Variants in ANK2 observed in about 807,000 individuals in gnomAD.
ANK2 encodes ankyrin-2.
ANK2 carries 83 observed loss-of-function variants against 360.5 expected under a neutral mutation model. That is an observed-to-expected ratio of 0.23 (90% CI 0.19 to 0.28). The LOEUF (loss-of-function observed/expected upper bound fraction) is 0.28. ANK2 is among the 10% of genes least tolerant of loss of function. The probability of loss-of-function intolerance (pLI) is 1.00; values close to 1 mark genes in which losing one functional copy is unlikely to be tolerated. For missense variants in ANK2, 4,201 were observed against 4,795.7 expected, an observed-to-expected ratio of 0.88 and a Z score of 3.66; for synonymous variants, 1,740 against 1,759.5, an observed-to-expected ratio of 0.99 and a Z score of 0.28.
chr4:113,081,550 T>A (rs536946764), intron 1 of ANK2, among the ~76,000 whole-genome samples: 33 of 152,318 alleles, frequency 2.2e-4, no homozygotes, highest in Non-Finnish European at 3.8e-4. Context: ...TGCAAAAATT[T>A]TATTATCATT....
At chr4:112,904,524 G>T (rs559634150) in intron 2 of ANK2, 7 of 1,483,740 alleles carry the variant, frequency 4.7e-6, no homozygotes, top group South Asian at 4.0e-5. Context: ...GGTACTTTTG[G>T]TATTTTAAAT....
intron 4 of ANK2, among the ~76,000 whole-genome samples, chr4:113,218,451 C>A (rs376454288): frequency 8.0e-4 from 108 of 134,270 alleles, no homozygotes; most frequent in Admixed American, 7.5e-4. Context: ...ATTAAATGAC[C>A]AAAAAAAAAA....
chr4:112,983,640 A>C (rs1240707761), intron 2 of ANK2, among the ~76,000 whole-genome samples: 1 of 151,896 alleles, frequency 6.6e-6, no homozygotes, highest in Non-Finnish European at 1.5e-5. Context: ...TCACCATTGC[A>C]CTCCAGCCTG....
rs1190011485 is a variant in ANK2, at chr4:113,355,216, G to A, written c.6598G>A (p.Gly2200Ser). 1 of 1,614,114 alleles carries A rather than the reference G, an allele frequency of 6.2e-7. No individual in the cohort carries two copies. The highest frequency in any genetic ancestry group is 1.1e-5 in the South Asian group (1 of 91,084). ...ALSLQSGALD[G>S]SSESLKNEGV... is the part of the protein sequence containing the mutation. ...GTCTTTACAAAGCGGTGCTTTAGAT[G>A]GCAGTTCTGAAAGCCTAAAGAATGA... Residue 2200 changes from glycine to serine, a missense_variant, in exon 38 of 46, where the codon GGC (glycine) becomes AGC (serine). Around this residue, in one of 4 missense-constraint regions of ANK2, gnomAD observed 2,642 missense variants for 2,714.5 expected, o/e 0.97. Coordinates refer to ENST00000357077, the MANE Select transcript of ANK2 (RefSeq NM_001148.6).
In ANK2 at chr4:113,275,617, T is replaced by C. The variant is rs114780910; in HGVS notation, c.1683+968T>C. ...GCTTATCTGGTTGCCTGTTATGACT[T>C]ACCTGGTTGCCTATGGCTGTAAAAG... On this transcript the variant is annotated intron_variant, in intron 15 of 45. Coordinates refer to ENST00000357077, the MANE Select transcript of ANK2 (RefSeq NM_001148.6). Among the ~76,000 whole-genome samples the C allele has an allele frequency of 4.3e-3, 649 of 152,278 alleles. 3 individuals are homozygous for C. The highest frequency in any genetic ancestry group is 9.1e-3 in the South Asian group (44 of 4,820).
chr4:113,015,540 AG>A (rs1045861466), intron 2 of ANK2, among the ~76,000 whole-genome samples: 14 of 152,212 alleles, frequency 9.2e-5, no homozygotes, highest in African/African-American at 3.1e-4. Flanking sequence ...TCAAAATATT[AG>A]TATTAGTTTT....
At chr4:112,993,349 C>G (rs1391134004) in intron 2 of ANK2, among the ~76,000 whole-genome samples, 1 of 152,170 alleles carries the variant, frequency 6.6e-6, no homozygotes, top group Non-Finnish European at 1.5e-5. Flanking sequence ...GTCACCCAGG[C>G]TGGAGTGCAG....
intron 21 of ANK2, among the ~76,000 whole-genome samples, chr4:113,292,758 C>T (rs1054215550): frequency 3.9e-5 from 6 of 152,122 alleles, no homozygotes; most frequent in South Asian, 4.1e-4. Context: ...GGGGGCCCTC[C>T]GCTTGGGCTG....
the ANK2 span, among the ~76,000 whole-genome samples, chr4:112,784,667 A>T: frequency 0.31 from 47,489 of 151,824 alleles, 7,566 homozygotes; most frequent in East Asian, 0.35. Context: ...ACTCTTGGGC[A>T]CAAGCAATCT....
chr4:113,350,881 A>G (rs2095370845), intron 37 of ANK2: 1 of 152,298 alleles, frequency 6.6e-6, no homozygotes, highest in Non-Finnish European at 1.5e-5. Flanking sequence ...AGAATGCAAA[A>G]TTAAAACCCC....
intron 4 of ANK2, among the ~76,000 whole-genome samples, chr4:113,218,420 A>G (rs362491): frequency 0.028 from 4,240 of 150,816 alleles, 98 homozygotes; most frequent in East Asian, 0.068. Flanking sequence ...TGCAAAGTTA[A>G]TTGTCAGTTT....
intron 1 of ANK2, among the ~76,000 whole-genome samples, chr4:112,828,479 C>T (rs565958714): frequency 7.2e-5 from 11 of 152,082 alleles, no homozygotes; most frequent in Admixed American, 3.9e-4. Context: ...GTGATCCACC[C>T]GCCTCGGACT....
At chr4:113,071,946 TG>T (rs2077709313) in intron 1 of ANK2, 3 of 152,232 alleles carry the variant, frequency 2.0e-5, no homozygotes, top group African/African-American at 7.2e-5. Flanking sequence ...GAGTGCCCTG[TG>T]AAAGGGGGAT....
chr4:112,979,956 C>T (rs1469000271), intron 2 of ANK2: 1 of 152,276 alleles, frequency 6.6e-6, no homozygotes, highest in African/African-American at 2.4e-5. Flanking sequence ...CAGCCCCTCC[C>T]TGGCTTGAAG....
At chr4:113,359,465 A>G (rs766651692) in intron 38 of ANK2, among the ~76,000 whole-genome samples, 166 bp downstream of exon 38, 2 of 151,954 alleles carry the variant, frequency 1.3e-5, no homozygotes, top group African/African-American at 2.4e-5. Context: ...TTCTCTGTAT[A>G]CTCTTGTCTA....
the ANK2 span, among the ~76,000 whole-genome samples, chr4:112,730,022 G>A: frequency 3.9e-4 from 60 of 152,122 alleles, no homozygotes; most frequent in South Asian, 1.0e-3. Flanking sequence ...GGATTGGGAA[G>A]ATGTTAGACA....
chr4:113,280,211 T>C (rs1357988830), intron 17 of ANK2, among the ~76,000 whole-genome samples: 1 of 152,228 alleles, frequency 6.6e-6, no homozygotes, highest in Admixed American at 6.5e-5. Context: ...GAGGTAAAAT[T>C]GTAAAACGTG....
intron 2 of ANK2, among the ~76,000 whole-genome samples, chr4:112,949,546 CTT>C (rs2094792510): frequency 1.3e-5 from 2 of 152,264 alleles, no homozygotes; most frequent in South Asian, 4.1e-4. Flanking sequence ...ATTCCACATT[CTT>C]TTTCAAATGT....
intron 2 of ANK2, among the ~76,000 whole-genome samples, chr4:112,911,645 A>G (rs1175386449): frequency 6.6e-6 from 1 of 152,150 alleles, no homozygotes; most frequent in East Asian, 1.9e-4. Flanking sequence ...ATTTTTAAAC[A>G]AACTCTGTTG....
Sources: allele counts gnomAD v4.1 joint callset (sites outside exome capture counted in the v4.1 genomes callset), GRCh38; gene constraint gnomAD v4.1.1; regional missense constraint gnomAD v4.1.1; transcripts MANE v1.5; gene names NCBI Gene and HGNC (gene_info 2026-07-23, HGNC 2026-07-21).